The following LIN9 variants were observed in gnomAD, a reference collection of about 807,000 sequenced individuals.
The protein encoded by LIN9 is protein lin-9 homolog.
Under a neutral mutation model 78.0 loss-of-function variants are expected in LIN9, and 18 were observed. The ratio of observed to expected loss-of-function variants is 0.23; its 90% CI spans 0.16 to 0.34. The LOEUF is 0.34. LIN9 is among the 10% of genes least tolerant of loss of function. LIN9 has a pLI of 1.00. For missense variants in LIN9, 451 were observed against 644.1 expected (o/e 0.70, Z 3.25); for synonymous variants, 192 against 215.2 (o/e 0.89, Z 0.94).
chr1:226,291,051 A>G (rs557206412), intron 4 of LIN9, among the ~76,000 whole-genome samples: 1 of 152,294 alleles, frequency 6.6e-6, no homozygotes, highest in Admixed American at 6.5e-5. Context: ...GCCACTGTGC[A>G]TGGTCCCAGT....
chr1:226,246,505 G>C (rs973592777), intron 11 of LIN9, among the ~76,000 whole-genome samples: 1 of 151,880 alleles, frequency 6.6e-6, no homozygotes, highest in Non-Finnish European at 1.5e-5. Context: ...TGCCTAGGTC[G>C]GGCGCGGTGG....
At chr1:226,279,714 G>C (rs963387668) in intron 6 of LIN9, among the ~76,000 whole-genome samples, 4 of 136,478 alleles carry the variant, frequency 2.9e-5, no homozygotes, top group African/African-American at 1.1e-4. Flanking sequence ...GACAGAAGTT[G>C]TAGTGAGCCG....
intron 1 of LIN9, among the ~76,000 whole-genome samples, chr1:226,305,315 G>GAAAAA (rs111859953): frequency 6.4e-5 from 5 of 77,532 alleles, no homozygotes; most frequent in African/African-American, 2.4e-4. Context: ...ACAAAAAAAA[G>GAAAAA]AAAAAAAAAA....
In LIN9 at chr1:226,256,683, C is replaced by T. The variant is rs557888630; in HGVS notation, c.1039-5764G>A. On this transcript the variant is annotated intron_variant, in intron 10 of 14. Transcript: ENST00000681046. ...ACAACAGTCTCCTGCCTCAGCCTCC[C>T]GAGTAGCTGGGACTACAGGCGCCCA... 3.3e-5 allele frequency among the ~76,000 whole-genome samples: 5 copies of T among 151,674 alleles called. No individual in the cohort carries two copies. The East Asian group carries it at 5.9e-4, about 18-fold the overall frequency.
chr1:226,239,193 A>G, intron 11 of LIN9, 97 bp from the exon 12 acceptor site: 1 of 1,218,222 alleles, frequency 8.2e-7, no homozygotes, highest in Non-Finnish European at 1.2e-6. Flanking sequence ...TAAAAAGCAA[A>G]CTAAAGGTTA....
At chr1:226,237,606 T>C (rs1657801832) in intron 12 of LIN9, among the ~76,000 whole-genome samples, 1 of 125,386 alleles carries the variant, frequency 8.0e-6, no homozygotes, top group Non-Finnish European at 1.6e-5. Flanking sequence ...CACTCCAGCC[T>C]GGGCAACAAG....
intron 10 of LIN9, among the ~76,000 whole-genome samples, chr1:226,261,815 C>T (rs952328959): frequency 6.6e-6 from 1 of 152,140 alleles, no homozygotes; most frequent in African/African-American, 2.4e-5. Flanking sequence ...ATAGCCAACA[C>T]AATATTGAAG....
At chr1:226,292,961 TG>T (rs1397804173) in intron 4 of LIN9, among the ~76,000 whole-genome samples, 3 of 152,190 alleles carry the variant, frequency 2.0e-5, no homozygotes, top group Non-Finnish European at 4.4e-5. Flanking sequence ...TAGGAGTTGT[TG>T]AAGATTAAAT....
chr1:226,282,788 C>T (rs945744063), intron 6 of LIN9, among the ~76,000 whole-genome samples: 12 of 151,862 alleles, frequency 7.9e-5, no homozygotes, highest in African/African-American at 4.8e-5. Flanking sequence ...GCCACTGCAC[C>T]CCAGCCTGGG....
intron 6 of LIN9, among the ~76,000 whole-genome samples, chr1:226,285,243 A>T (rs974256705): frequency 1.3e-5 from 2 of 152,188 alleles, no homozygotes; most frequent in Non-Finnish European, 2.9e-5. Context: ...AAACACGCAA[A>T]ATGATAGCAA....
At chr1:226,249,951 C>A (rs906734816) in intron 11 of LIN9, among the ~76,000 whole-genome samples, 4 of 152,054 alleles carry the variant, frequency 2.6e-5, no homozygotes, top group African/African-American at 9.7e-5. Context: ...GGGTGGATCA[C>A]CTGAGGTCAG....
chr1:226,250,925 G>A lies in LIN9; in HGVS notation c.1039-6C>T. On this transcript the variant is annotated splice_region_variant and splice_polypyrimidine_tract_variant and intron_variant, in intron 10 of 14. Coordinates refer to ENST00000681046, the MANE Select transcript of LIN9 (RefSeq NM_001366245.2). ...AGAATTTTTGATAATCTGGTCTACA[G>A]ACAAAGAAGAAATATTTTAGAATAA... The A allele has an allele frequency of 7.3e-7, 1 of 1,365,846 alleles. No homozygotes were observed. The highest frequency in any genetic ancestry group is 1.0e-6 in the Non-Finnish European group (1 of 973,302). 84.6% of individuals were successfully genotyped at this position (1,365,846 alleles called of 1,614,324 possible).
chr1:226,268,182 A>AC (rs1461075367), intron 7 of LIN9, 92 bp from the exon 8 acceptor site: 2 of 1,239,014 alleles, frequency 1.6e-6, no homozygotes. Context: ...AAATCATAGT[A>AC]CAGTATTTTG....
upstream of LIN9, chr1:226,309,261 C>T (rs1663138160): frequency 4.9e-6 from 6 of 1,212,776 alleles, no homozygotes; most frequent in African/African-American, 4.8e-5. Flanking sequence ...CGCTGCGCTG[C>T]TCCCGCCGCG....
At chr1:226,273,807 G>T (rs1660457217) in intron 7 of LIN9, among the ~76,000 whole-genome samples, 1 of 150,302 alleles carries the variant, frequency 6.7e-6, no homozygotes, top group African/African-American at 2.5e-5. Context: ...AATGGGCTAG[G>T]AACTACAATG....
intron 10 of LIN9, among the ~76,000 whole-genome samples, chr1:226,251,393 A>C (rs930109585): frequency 6.6e-6 from 1 of 152,062 alleles, no homozygotes; most frequent in Non-Finnish European, 1.5e-5. Context: ...ATGCCCAACT[A>C]ATTTTTGTAT....
chr1:226,298,731 C>T lies in LIN9; in HGVS notation c.65-918G>A, dbSNP rs148655308. 1.1e-3 allele frequency among the ~76,000 whole-genome samples: 169 copies of T among 151,948 alleles called. 1 individual carries two copies. In the East Asian group the frequency reaches 0.02, roughly 18 times the overall value. ...CAAAAATTAGCTGGGCATGGTGGCA[C>T]GCACCTGTAGTCCCAGCTATTCAGG... On this transcript the variant is annotated intron_variant, in intron 2 of 14. Transcript: ENST00000681046.
chr1:226,263,884 T>TA (rs1398927051), intron 10 of LIN9, among the ~76,000 whole-genome samples: 6 of 151,948 alleles, frequency 3.9e-5, no homozygotes. Context: ...CCAGCCTAGG[T>TA]AACATAGTGA....
chr1:226,238,382 G>A (rs1445243905), intron 12 of LIN9, among the ~76,000 whole-genome samples: 2 of 152,178 alleles, frequency 1.3e-5, no homozygotes, highest in Non-Finnish European at 2.9e-5. Flanking sequence ...CTATATCTCA[G>A]TACTTTGGAA....
Sources: allele counts gnomAD v4.1 joint callset (sites outside exome capture counted in the v4.1 genomes callset), GRCh38; gene constraint gnomAD v4.1.1; transcripts MANE v1.5; gene names NCBI Gene and HGNC (gene_info 2026-07-23, HGNC 2026-07-21).